Variants in KMT2C observed in about 807,000 individuals in gnomAD.
KMT2C encodes the protein histone-lysine N-methyltransferase 2C.
KMT2C carries 88 observed loss-of-function variants against 507.9 expected under a neutral mutation model. That is an observed-to-expected ratio of 0.17 (90% CI 0.15 to 0.21). The LOEUF (loss-of-function observed/expected upper bound fraction) is 0.21. Among genes scored for constraint, KMT2C ranks in the 10% least tolerant of loss-of-function variants. The pLI is 1.00. For missense variants in KMT2C, 4,954 were observed against 5,957.8 expected, an observed-to-expected ratio of 0.83 and a Z score of 5.55; for synonymous variants, 2,049 against 2,080.8, an observed-to-expected ratio of 0.98 and a Z score of 0.42.
chr7:152,394,953 T>C (rs1177577641), intron 1 of KMT2C, among the ~76,000 whole-genome samples: 1 of 152,186 alleles, frequency 6.6e-6, no homozygotes, highest in Non-Finnish European at 1.5e-5. Context: ...TATGGTTTAA[T>C]GCATTTTTAA....
intron 1 of KMT2C, among the ~76,000 whole-genome samples, chr7:152,377,816 C>T (rs61244064): frequency 0.021 from 3,224 of 151,924 alleles, 110 homozygotes; most frequent in African/African-American, 0.068. Context: ...GATTCACCAC[C>T]GTAGATGTCA....
intron 3 of KMT2C, 63 bp from the exon 4 acceptor site, chr7:152,315,401 G>C (rs528415904): frequency 1.8e-6 from 2 of 1,088,766 alleles, no homozygotes; most frequent in Admixed American, 3.9e-5. Flanking sequence ...TGCTTTAAGC[G>C]ATAACTATAG....
In KMT2C at chr7:152,366,181, G is replaced by A. The variant is rs567400909; in HGVS notation, c.162-7506C>T. ...TGATATGGGCCCTGGAAAACAGTAC[G>A]GCAGTTTCTCAAGCAGTTAAAAATA... On this transcript the variant is annotated intron_variant, in intron 1 of 58. Transcript: ENST00000262189. Among the ~76,000 whole-genome samples, 116 of 152,218 alleles carry A rather than the reference G, an allele frequency of 7.6e-4. 1 individual carries two copies. In the South Asian group the frequency reaches 0.022, roughly 29 times the overall value.
chr7:152,298,541 C>T (rs1011096432), intron 6 of KMT2C, among the ~76,000 whole-genome samples: 1 of 152,078 alleles, frequency 6.6e-6, no homozygotes, highest in Non-Finnish European at 1.5e-5. Flanking sequence ...CCATGCCTGG[C>T]AAAAATATCT....
At chr7:152,149,371 C>T (rs936882183) in intron 51 of KMT2C, among the ~76,000 whole-genome samples, 5 of 152,120 alleles carry the variant, frequency 3.3e-5, no homozygotes, top group East Asian at 3.9e-4. Flanking sequence ...AGCTGTGCCG[C>T]GTCCTTTCGA....
intron 6 of KMT2C, among the ~76,000 whole-genome samples, chr7:152,293,268 A>C (rs2096454875): frequency 1.3e-5 from 2 of 152,224 alleles, no homozygotes; most frequent in Non-Finnish European, 2.9e-5. Flanking sequence ...ATGTGTGAAA[A>C]AATGATACTG....
intron 1 of KMT2C, among the ~76,000 whole-genome samples, chr7:152,422,955 T>C (rs1003610253): frequency 3.4e-5 from 5 of 147,550 alleles, no homozygotes; most frequent in African/African-American, 1.0e-4. Flanking sequence ...AGGCGGAGCT[T>C]ACAGTGAGCC....
At position 152,163,801 on chromosome 7, in the gene KMT2C, G is replaced by T. The variant is rs2092584708; in HGVS notation, c.9776C>A (p.Ala3259Asp). 2.5e-6 allele frequency: 4 copies of T among 1,614,118 alleles called. No homozygotes were observed. Among genetic ancestry groups the T allele is most frequent in the Non-Finnish European group, 3.4e-6 (4 of 1,179,978 alleles). The change falls in exon 43 of 59, where the codon GCT (alanine) becomes GAT (aspartate). Residue 3259 changes from alanine (A) to aspartate (D), a missense_variant. Physicochemically the swap from Ala to Asp is moderately radical, Grantham distance 126. This residue lies in a region of KMT2C where 71 missense variants were observed against 139.2 expected (regional missense o/e 0.51). Transcript: ENST00000262189. ...EQIRKQQKEH[A>D]ELIEDYRIKQ... is the part of the protein sequence containing the mutation. ...GATCCGATAATCTTCAATCAATTCAGCATGTTCTTTCTGTTGTTTACGAAT... is the reference window on the plus strand; with the variant it reads ...GATCCGATAATCTTCAATCAATTCATCATGTTCTTTCTGTTGTTTACGAAT...
intron 1 of KMT2C, among the ~76,000 whole-genome samples, chr7:152,430,639 C>T (rs2097856171): frequency 6.6e-6 from 1 of 152,232 alleles, no homozygotes; most frequent in South Asian, 2.1e-4. Context: ...ACACAATCTT[C>T]TCTCAGCTCA....
chr7:152,194,139 A>G lies in KMT2C; in HGVS notation c.4541-11T>C. The G allele has an allele frequency of 6.4e-7, 1 of 1,569,078 alleles. No homozygotes were observed. Among genetic ancestry groups the G allele is most frequent in the Non-Finnish European group, 8.6e-7 (1 of 1,165,512 alleles). On this transcript the variant is annotated splice_polypyrimidine_tract_variant and intron_variant, in intron 30 of 58. Coordinates refer to ENST00000262189, the MANE Select transcript of KMT2C (RefSeq NM_170606.3). Reference sequence around the variant, plus strand: ...CTTTTCCGCCAAGCTCTAGGAGATAAAACAATAATAGTAACAAGATTAAAA... The same window carrying G: ...CTTTTCCGCCAAGCTCTAGGAGATAGAACAATAATAGTAACAAGATTAAAA...
chr7:152,214,976 T>G (rs578118753), intron 23 of KMT2C, among the ~76,000 whole-genome samples: 2 of 152,076 alleles, frequency 1.3e-5, no homozygotes, highest in Non-Finnish European at 2.9e-5. Context: ...AGAGTAACTA[T>G]GGAAGGTGAA....
rs144509369 is a variant in KMT2C at position 152,246,673 on chromosome 7, T to C, written c.2532+1229A>G. ...GAGTCAGAACAACATAATTATTATA[T>C]AACTATTCAAAACAAAACAAAAAAA... On this transcript the variant is annotated intron_variant, in intron 14 of 58. Coordinates refer to ENST00000262189, the MANE Select transcript of KMT2C (RefSeq NM_170606.3). Among the ~76,000 whole-genome samples the C allele has an allele frequency of 7.8e-3, 1,180 of 152,024 alleles. 20 individuals carry two copies. Among genetic ancestry groups the C allele is most frequent in the African/African-American group, 0.027 (1,140 of 41,478 alleles).
intron 46 of KMT2C, among the ~76,000 whole-genome samples, 162 bp downstream of exon 46, chr7:152,155,748 A>G (rs2092000417): frequency 6.6e-6 from 1 of 152,256 alleles, no homozygotes; most frequent in Non-Finnish European, 1.5e-5. Context: ...GTTTAATGGT[A>G]ACAATGTCTT....
At chr7:152,211,400 T>C (rs1171809551) in intron 23 of KMT2C, among the ~76,000 whole-genome samples, 2 of 152,036 alleles carry the variant, frequency 1.3e-5, no homozygotes, top group African/African-American at 4.8e-5. Flanking sequence ...AAAGAGAAAT[T>C]CATGAAATTG....
intron 20 of KMT2C, among the ~76,000 whole-genome samples, 198 bp downstream of exon 20, chr7:152,223,816 CA>C (rs1419978821): frequency 2.0e-5 from 3 of 151,938 alleles, no homozygotes; most frequent in African/African-American, 7.3e-5. Flanking sequence ...AAAAACAAAA[CA>C]AAACAAAATT....
chr7:152,334,969 T>C (rs975946424), intron 2 of KMT2C, among the ~76,000 whole-genome samples: 2 of 152,196 alleles, frequency 1.3e-5, no homozygotes, highest in Non-Finnish European at 2.9e-5. Flanking sequence ...GAGTGAAGAA[T>C]TGCCGTAACA....
rs754743885 is a variant in KMT2C at position 152,330,682 on chromosome 7, T to A, written c.308A>T (p.Gln103Leu). 8.1e-6 allele frequency: 13 copies of A among 1,613,858 alleles called. No individual in the cohort carries two copies. Among genetic ancestry groups the A allele is most frequent in the East Asian group, 2.2e-5 (1 of 44,886 alleles). The part of the protein sequence containing the change: ...DAEAEVDNSK[Q>L]LIPTLQRSVS... ...AGATCGCTGAAGAGTTGGAATTAGC[T>A]GTTTGCTGTTATCCACTTCTGCTTC... is the stretch of plus-strand genomic sequence containing the variant. The change falls in exon 3 of 59, where the codon CAG becomes CTG. Residue 103 changes from glutamine (Q) to leucine (L), a missense_variant. This residue lies in a region of KMT2C where 233 missense variants were observed against 263.6 expected (regional missense o/e 0.88). Coordinates refer to ENST00000262189, the MANE Select transcript of KMT2C (RefSeq NM_170606.3).
intron 39 of KMT2C, among the ~76,000 whole-genome samples, chr7:152,172,910 T>C (rs552795375): frequency 1.3e-5 from 2 of 152,298 alleles, no homozygotes; most frequent in African/African-American, 4.8e-5. Context: ...TTAAGGAACA[T>C]ATATACATAA....
intron 1 of KMT2C, chr7:152,367,481 G>T (rs766243223): frequency 3.5e-5 from 30 of 849,674 alleles, no homozygotes; most frequent in Non-Finnish European, 5.3e-5. Flanking sequence ...GCCTCCCAAA[G>T]TTCTGGGATT....
Sources: allele counts gnomAD v4.1 joint callset (sites outside exome capture counted in the v4.1 genomes callset), GRCh38; gene constraint gnomAD v4.1.1; regional missense constraint gnomAD v4.1.1; transcripts MANE v1.5; gene names NCBI Gene and HGNC (gene_info 2026-07-23, HGNC 2026-07-21).